TTLL9: variants seen among roughly 807,000 people sequenced by gnomAD.
The protein encoded by TTLL9 is tubulin tyrosine ligase like 9.
Under a neutral mutation model 65.6 loss-of-function variants are expected in TTLL9, and 47 were observed. The ratio of observed to expected loss-of-function variants is 0.72; its 90% CI spans 0.57 to 0.91. TTLL9 has a LOEUF of 0.91. Ranked by LOEUF, TTLL9 falls within the 40% of genes least tolerant of loss-of-function variation. The pLI is 0.00. For missense variants in TTLL9, 537 were observed against 568.8 expected (o/e 0.94, Z 0.57); for synonymous variants, 179 against 204.8 (o/e 0.87, Z 1.07).
intron 2 of TTLL9, among the ~76,000 whole-genome samples, chr20:31,875,925 T>C (rs911080932): frequency 6.6e-6 from 1 of 152,240 alleles, no homozygotes; most frequent in African/African-American, 2.4e-5. Flanking sequence ...CTCACGAGGA[T>C]TGGCTATGGT....
At chr20:31,890,274 T>C (rs1348042417) in intron 3 of TTLL9, among the ~76,000 whole-genome samples, 5 of 151,020 alleles carry the variant, frequency 3.3e-5, no homozygotes, top group Admixed American at 1.3e-4. Flanking sequence ...TTCTATCTTA[T>C]TGACTAGAAT....
chr20:31,879,508 A>C, intron 2 of TTLL9: 1 of 236,044 alleles, frequency 4.2e-6, no homozygotes, highest in Non-Finnish European at 8.3e-6. Context: ...TTCGTTAAGT[A>C]AGGAAACTCA....
chr20:31,932,974 C>A (rs1432737730), intron 10 of TTLL9, among the ~76,000 whole-genome samples: 1 of 152,100 alleles, frequency 6.6e-6, no homozygotes, highest in Non-Finnish European at 1.5e-5. Context: ...CCAGTCTGGG[C>A]AAAAGACTAC....
intron 2 of TTLL9, among the ~76,000 whole-genome samples, chr20:31,873,558 C>T (rs1026586569): frequency 6.6e-6 from 1 of 151,084 alleles, no homozygotes; most frequent in Non-Finnish European, 1.5e-5. Flanking sequence ...ACTTGGAGGC[C>T]AAGGTGGGAG....
At chr20:31,936,962 G>C (rs2064120211) in intron 12 of TTLL9, among the ~76,000 whole-genome samples, 1 of 152,054 alleles carries the variant, frequency 6.6e-6, no homozygotes, top group Non-Finnish European at 1.5e-5. Context: ...GCTGGGCGTG[G>C]TGGCAGGCAC....
chr20:31,940,031 T>TA (rs1392912009), intron 14 of TTLL9: 1 of 152,246 alleles, frequency 6.6e-6, no homozygotes, highest in African/African-American at 2.4e-5. Flanking sequence ...CATTTTATTT[T>TA]TTTTTTACTT....
chr20:31,933,287 G>T (rs140339549), intron 10 of TTLL9, among the ~76,000 whole-genome samples: 333 of 152,220 alleles, frequency 2.2e-3, no homozygotes, highest in Non-Finnish European at 3.5e-3. Context: ...CCCAGTGCTG[G>T]ATCCCTTTGC....
At position 31,942,949 on chromosome 20, in the gene TTLL9, C is replaced by T. The variant is rs376499277; in HGVS notation, c.1248C>T (p.Cys416=). ...GNFVTNTHLG[C]VNDRKKQLRQ... is the part of the protein sequence containing the mutation. Reference sequence around the variant, plus strand: ...AACACCCCACTTCCTTTCCAGGCTGCGTCAACGATCGGAAGAAACAACTGA... The same window carrying T: ...AACACCCCACTTCCTTTCCAGGCTGTGTCAACGATCGGAAGAAACAACTGA... The change falls in exon 15 of 15, where the codon TGC becomes TGT. Residue 416 remains cysteine (C), a synonymous_variant. Transcript: ENST00000535842. 21 of 1,613,980 alleles carry T rather than the reference C, an allele frequency of 1.3e-5. No individual in the cohort carries two copies. Among genetic ancestry groups the T allele is most frequent in the African/African-American group, 5.3e-5 (4 of 74,906 alleles).
In TTLL9 at chr20:31,934,439, C is replaced by T. The variant is rs112158768; in HGVS notation, c.808-253C>T. ...TGTGGTCTGTCCTTAGCAAGTCAGG[C>T]TCAGAAAAGGGGCCTACGCAGGCCA... On this transcript the variant is annotated intron_variant, in intron 11 of 14. Transcript: ENST00000535842. 5.8e-5 allele frequency: 37 copies of T among 642,368 alleles called. 1 individual carries two copies. Among genetic ancestry groups the T allele is most frequent in the African/African-American group, 2.9e-4 (16 of 56,096 alleles). 39.8% of individuals were successfully genotyped at this position (642,368 alleles called of 1,614,324 possible). A position where few individuals can be genotyped will look rare whatever the true frequency, so the allele number is the denominator to read the frequency against.
intron 3 of TTLL9, among the ~76,000 whole-genome samples, chr20:31,894,118 T>TG (rs2063349342): frequency 6.8e-6 from 1 of 148,142 alleles, no homozygotes; most frequent in Non-Finnish European, 1.5e-5. Flanking sequence ...TTTTTTTTTT[T>TG]TTTGAGACAG....
chr20:31,898,358 AGT>A, intron 3 of TTLL9, 113 bp from the exon 4 acceptor site: 1 of 742,142 alleles, frequency 1.3e-6, no homozygotes, highest in South Asian at 1.7e-5. Context: ...TCTGAAATAC[AGT>A]GTGGAACTTT....
intron 2 of TTLL9, among the ~76,000 whole-genome samples, chr20:31,885,572 G>A (rs1017750439): frequency 2.0e-5 from 3 of 152,170 alleles, no homozygotes; most frequent in African/African-American, 7.2e-5. Flanking sequence ...GAGTTGGAAG[G>A]GCTTGAATGG....
At chr20:31,886,239 T>G in intron 2 of TTLL9, among the ~76,000 whole-genome samples, 1 of 152,232 alleles carries the variant, frequency 6.6e-6, no homozygotes, top group East Asian at 1.9e-4. Flanking sequence ...TGGTAATTTG[T>G]TACCCAGCAA....
chr20:31,913,744 T>C (rs555506656), intron 6 of TTLL9, among the ~76,000 whole-genome samples: 1 of 152,316 alleles, frequency 6.6e-6, no homozygotes, highest in South Asian at 2.1e-4. Context: ...TAGGGGAATA[T>C]AAGAACAGGC....
intron 2 of TTLL9, chr20:31,873,012 T>G (rs2062960249): frequency 1.9e-6 from 1 of 518,368 alleles, no homozygotes; most frequent in African/African-American, 1.9e-5. Flanking sequence ...ACTGACCCTT[T>G]CCTTTATGGG....
In TTLL9 at chr20:31,937,417, G is replaced by T; in HGVS notation, c.1026G>T (p.Ala342=). 1.2e-6 allele frequency: 2 copies of T among 1,613,512 alleles called. No individual in the cohort carries two copies. The highest frequency in any genetic ancestry group is 1.7e-6 in the Non-Finnish European group (2 of 1,179,706). Residue 342 remains alanine, a synonymous_variant, in exon 13 of 15, where the codon GCG becomes GCT. Transcript: ENST00000535842. The stretch of plus-strand genomic sequence containing the variant: ...CCAGGTGGCTCCTGGAGGTCAATGC[G>T]TCCCCATCACTGACAGCCAGCAGCC... The part of the protein sequence containing the change: ...DLKPWLLEVN[A]SPSLTASSQE...
chr20:31,896,536 T>C (rs931402676), intron 3 of TTLL9, among the ~76,000 whole-genome samples: 14 of 152,214 alleles, frequency 9.2e-5, no homozygotes, highest in Non-Finnish European at 1.3e-4. Context: ...TTTGTTGTTG[T>C]TTTGGTTTTT....
chr20:31,920,068 G>A, intron 7 of TTLL9, 136 bp downstream of exon 7: 1 of 686,054 alleles, frequency 1.5e-6, no homozygotes. Context: ...TTGGAGCAGG[G>A]TCTCCAGAGC....
intron 2 of TTLL9, among the ~76,000 whole-genome samples, chr20:31,874,308 AG>A (rs1439449558): frequency 1.3e-5 from 2 of 152,064 alleles, no homozygotes; most frequent in Admixed American, 1.3e-4. Flanking sequence ...GTCCCCCCAA[AG>A]GTGTTTACAC....
Sources: gnomAD v4.1 joint callset for allele counts (sites outside exome capture counted in the v4.1 genomes callset) on GRCh38, gnomAD v4.1.1 for gene constraint, MANE v1.5 for transcripts, NCBI Gene and HGNC (gene_info 2026-07-23, HGNC 2026-07-21) for gene names.